Variants in DDX10 observed in about 807,000 individuals in gnomAD.
DDX10 encodes probable ATP-dependent RNA helicase DDX10.
A neutral mutation model predicts 104.3 loss-of-function variants in DDX10; 74 were observed. The ratio of observed to expected loss-of-function variants is 0.71; its 90% CI spans 0.59 to 0.86. The LOEUF (loss-of-function observed/expected upper bound fraction) is 0.86. Ranked by LOEUF, DDX10 falls within the 40% of genes least tolerant of loss-of-function variation. The probability of loss-of-function intolerance (pLI) is 0.00; values close to 1 mark genes in which losing one functional copy is unlikely to be tolerated. For missense variants in DDX10, 952 were observed against 1,040.0 expected (o/e 0.92, Z 1.16); for synonymous variants, 351 against 353.4 (o/e 0.99, Z 0.08).
chr11:108,938,782 C>G (rs1864067294), intron 17 of DDX10, among the ~76,000 whole-genome samples: 1 of 152,078 alleles, frequency 6.6e-6, no homozygotes, highest in African/African-American at 2.4e-5. Context: ...TTGGACACTT[C>G]TGGGAGGAAA....
intron 13 of DDX10, among the ~76,000 whole-genome samples, chr11:108,814,730 A>C (rs1862232679): frequency 6.6e-6 from 1 of 152,196 alleles, no homozygotes; most frequent in Non-Finnish European, 1.5e-5. Flanking sequence ...CTTCGTAATT[A>C]AGTTAATGAT....
intron 13 of DDX10, among the ~76,000 whole-genome samples, chr11:108,724,107 C>G (rs1279082998): frequency 6.6e-6 from 1 of 152,038 alleles, no homozygotes; most frequent in Non-Finnish European, 1.5e-5. Context: ...TATTCCCCTT[C>G]CTACTTCATA....
chr11:108,855,362 A>C (rs1862851027), intron 16 of DDX10, among the ~76,000 whole-genome samples: 1 of 152,190 alleles, frequency 6.6e-6, no homozygotes, highest in Non-Finnish European at 1.5e-5. Context: ...TTTTGTATAA[A>C]TGTAAGGAAA....
At chr11:108,691,855 A>G (rs200784856) in intron 7 of DDX10, 21 bp from the exon 8 acceptor site, 1 of 1,605,786 alleles carries the variant, frequency 6.2e-7, no homozygotes, top group Non-Finnish European at 8.5e-7. Flanking sequence ...AAGCAAACTT[A>G]TTCTTCTGTT....
intron 13 of DDX10, among the ~76,000 whole-genome samples, chr11:108,724,581 C>G (rs977285246): frequency 3.3e-5 from 5 of 152,028 alleles, no homozygotes; most frequent in Non-Finnish European, 1.5e-5. Context: ...CATTTTAAGT[C>G]TGTAGTTAAG....
chr11:108,875,307 C>A (rs989761534), intron 16 of DDX10, among the ~76,000 whole-genome samples: 14 of 152,122 alleles, frequency 9.2e-5, no homozygotes, highest in African/African-American at 3.4e-4. Context: ...AGCTCTTTAT[C>A]TCTATTGAGA....
chr11:108,819,591 GC>G (rs1254098578), intron 13 of DDX10, among the ~76,000 whole-genome samples: 1 of 151,936 alleles, frequency 6.6e-6, no homozygotes, highest in African/African-American at 2.4e-5. Flanking sequence ...GAAACCATAT[GC>G]CTATTTCTTT....
chr11:108,702,553 T>C (rs1474826829), intron 9 of DDX10, among the ~76,000 whole-genome samples: 2 of 152,074 alleles, frequency 1.3e-5, no homozygotes, highest in Non-Finnish European at 2.9e-5. Context: ...TGAATTTGAG[T>C]GGTAGAAGGC....
intron 16 of DDX10, among the ~76,000 whole-genome samples, chr11:108,908,221 T>G (rs1323483391): frequency 6.6e-6 from 1 of 152,184 alleles, no homozygotes; most frequent in Non-Finnish European, 1.5e-5. Context: ...GCAATCAATT[T>G]TTATTTTAAA....
At chr11:108,874,564 G>T (rs77377900) in intron 16 of DDX10, among the ~76,000 whole-genome samples, 2 of 151,028 alleles carry the variant, frequency 1.3e-5, no homozygotes, top group African/African-American at 2.4e-5. Context: ...TTAAGTTGAG[G>T]TATTGCTTTG....
chr11:108,691,786 T>C (rs752862350), intron 7 of DDX10, 90 bp from the exon 8 acceptor site: 90 of 1,145,814 alleles, frequency 7.9e-5, no homozygotes, highest in Non-Finnish European at 1.0e-4. Flanking sequence ...ATTGCTCTGC[T>C]GTTGAGACTC....
At chr11:108,891,852 G>T (rs1334055280) in intron 16 of DDX10, among the ~76,000 whole-genome samples, 2 of 151,740 alleles carry the variant, frequency 1.3e-5, no homozygotes, top group Admixed American at 6.6e-5. Context: ...GGAGGGCACC[G>T]GGAAGAGTGA....
intron 16 of DDX10, among the ~76,000 whole-genome samples, chr11:108,901,447 T>G (rs1359485406): frequency 1.3e-5 from 2 of 152,188 alleles, no homozygotes; most frequent in Non-Finnish European, 2.9e-5. Context: ...CATTATAGAA[T>G]TTATTACCAA....
intron 16 of DDX10, among the ~76,000 whole-genome samples, chr11:108,871,391 A>C (rs1194941843): frequency 6.6e-6 from 1 of 152,180 alleles, no homozygotes; most frequent in Non-Finnish European, 1.5e-5. Flanking sequence ...GGAACTCTGG[A>C]ACACATAAGC....
rs367886356 is a variant in DDX10, at chr11:108,735,375, A to G, written c.1965+11913A>G. Among the ~76,000 whole-genome samples the G allele has an allele frequency of 2.6e-5, 4 of 152,198 alleles. No individual in the cohort carries two copies. In the South Asian group the frequency reaches 8.3e-4, roughly 32 times the overall value. ...TATTCCCTGTGCATTAATGGGTGGG[A>G]TGGACAAAAAATGAATATGTGTGCT... On this transcript the variant is annotated intron_variant, in intron 13 of 17. Coordinates refer to ENST00000322536, the MANE Select transcript of DDX10 (RefSeq NM_004398.4).
intron 15 of DDX10, among the ~76,000 whole-genome samples, chr11:108,845,891 C>T (rs1186059191): frequency 6.6e-6 from 1 of 152,072 alleles, no homozygotes; most frequent in African/African-American, 2.4e-5. Context: ...AAGTTGACAG[C>T]CTTGAATCAT....
intron 13 of DDX10, 181 bp from the exon 14 acceptor site, chr11:108,838,265 G>T (rs1374153509): frequency 3.8e-6 from 2 of 524,616 alleles, no homozygotes; most frequent in East Asian, 3.8e-5. Context: ...TTTAGGTTTT[G>T]GGAGGAGTTC....
intron 10 of DDX10, among the ~76,000 whole-genome samples, chr11:108,713,410 A>C (rs978001682): frequency 6.6e-5 from 10 of 152,118 alleles, no homozygotes; most frequent in Non-Finnish European, 1.3e-4. Context: ...TCAAGTTCAG[A>C]GATTCTTCCC....
intron 16 of DDX10, among the ~76,000 whole-genome samples, chr11:108,873,225 T>C (rs149059397): frequency 6.6e-6 from 1 of 152,166 alleles, no homozygotes; most frequent in Non-Finnish European, 1.5e-5. Context: ...ATATTGTTTT[T>C]CCAGGTGGGT....
Sources: gnomAD v4.1 joint callset for allele counts (sites outside exome capture counted in the v4.1 genomes callset) on GRCh38, gnomAD v4.1.1 for gene constraint, MANE v1.5 for transcripts, NCBI Gene and HGNC (gene_info 2026-07-23, HGNC 2026-07-21) for gene names.